Variants in NCKAP5 observed in about 807,000 individuals in gnomAD.
The protein encoded by NCKAP5 is nck-associated protein 5.
Under a neutral mutation model 167.0 loss-of-function variants are expected in NCKAP5, and 92 were observed. The observed-to-expected ratio is 0.55, with a 90% CI of 0.47 to 0.66. The LOEUF (loss-of-function observed/expected upper bound fraction) is 0.66. NCKAP5 is among the 30% of genes least tolerant of loss of function. NCKAP5 has a pLI of 0.00. For missense variants in NCKAP5, 2,378 were observed against 2,315.0 expected (o/e 1.03, Z -0.56); for synonymous variants, 891 against 877.4 (o/e 1.02, Z -0.27).
intron 3 of NCKAP5, among the ~76,000 whole-genome samples, chr2:133,463,670 A>G (rs1248614865): frequency 1.3e-5 from 2 of 152,228 alleles, no homozygotes; most frequent in African/African-American, 4.8e-5. Context: ...CAATGCAGTG[A>G]GTTTATTCCA....
rs1468696629 is a variant in NCKAP5, at chr2:132,672,144, C to T, written c.*1145G>A. The T allele has an allele frequency of 1.3e-5, 2 of 152,426 alleles. No individual in the cohort carries two copies. Among genetic ancestry groups the T allele is most frequent in the African/African-American group, 4.8e-5 (2 of 41,380 alleles). 9.4% of individuals were successfully genotyped at this position (152,426 alleles called of 1,614,324 possible). A position where few individuals can be genotyped will look rare whatever the true frequency, so the allele number is the denominator to read the frequency against. On this transcript the variant is annotated 3_prime_UTR_variant, in exon 20 of 20. Coordinates refer to ENST00000409261, the MANE Select transcript of NCKAP5 (RefSeq NM_207363.3). The stretch of plus-strand genomic sequence containing the variant: ...AAAAAGGATATTAAAAAGAATTCTT[C>T]GTAGCACCATTAATTTTATTTTTAA...
chr2:133,383,067 AAAAATTTTTTTATTAT>A (rs1686643067), intron 3 of NCKAP5, among the ~76,000 whole-genome samples: 1 of 152,040 alleles, frequency 6.6e-6, no homozygotes, highest in Admixed American at 6.6e-5. Context: ...TTTTTTTAAA[AAAAATTTTTTTATTAT>A]ACTTTAAGTT....
intron 4 of NCKAP5, among the ~76,000 whole-genome samples, chr2:133,298,017 T>A (rs1288146788): frequency 1.3e-5 from 2 of 152,216 alleles, no homozygotes; most frequent in African/African-American, 2.4e-5. Context: ...TTCTAACTTA[T>A]GAACAAGCAC....
intron 3 of NCKAP5, among the ~76,000 whole-genome samples, chr2:133,437,022 T>G (rs1329601930): frequency 1.3e-5 from 2 of 152,070 alleles, no homozygotes; most frequent in African/African-American, 2.4e-5. Flanking sequence ...TGCCTAACAC[T>G]TCTTCTAAAA....
At chr2:132,688,985 CAAA>C (rs34015551) in intron 19 of NCKAP5, among the ~76,000 whole-genome samples, 1 of 66,304 alleles carries the variant, frequency 1.5e-5, no homozygotes. Flanking sequence ...GACACCAACT[CAAA>C]AAAAAAAAAA....
chr2:133,487,744 T>C (rs753839628), intron 3 of NCKAP5, among the ~76,000 whole-genome samples: 1 of 152,150 alleles, frequency 6.6e-6, no homozygotes, highest in Non-Finnish European at 1.5e-5. Flanking sequence ...AATAGCTGCC[T>C]GAGAGGATGG....
intron 2 of NCKAP5, among the ~76,000 whole-genome samples, chr2:133,558,704 C>CAGAAAAAAAA (rs1687929797): frequency 2.0e-5 from 1 of 50,872 alleles, no homozygotes; most frequent in Non-Finnish European, 3.3e-5. Flanking sequence ...ATGTGCTGAG[C>CAGAAAAAAAA]AAAAAAAAAA....
At chr2:133,232,071 C>A (rs193110628) in intron 4 of NCKAP5, among the ~76,000 whole-genome samples, 49 of 152,252 alleles carry the variant, frequency 3.2e-4, no homozygotes, top group African/African-American at 1.1e-3. Flanking sequence ...TGGGTTTTCT[C>A]TGTTTCTTAG....
the NCKAP5 span, among the ~76,000 whole-genome samples, chr2:133,615,663 G>T: frequency 6.6e-5 from 10 of 152,098 alleles, no homozygotes. Flanking sequence ...ATTCCTGAGT[G>T]ACCTACAAAG....
chr2:133,533,328 C>G (rs1685508065), intron 2 of NCKAP5, among the ~76,000 whole-genome samples: 1 of 152,182 alleles, frequency 6.6e-6, no homozygotes, highest in African/African-American at 2.4e-5. Flanking sequence ...AAATCCAGAT[C>G]ATCTATGTAA....
chr2:132,838,610 C>T (rs1025451120), intron 11 of NCKAP5, among the ~76,000 whole-genome samples: 2 of 152,070 alleles, frequency 1.3e-5, no homozygotes, highest in Non-Finnish European at 2.9e-5. Context: ...CCAGGCTGGG[C>T]GACAGAGAGA....
intron 6 of NCKAP5, among the ~76,000 whole-genome samples, chr2:133,097,788 G>A (rs934098328): frequency 6.6e-6 from 1 of 152,180 alleles, no homozygotes; most frequent in East Asian, 1.9e-4. Flanking sequence ...AGAATGCTAC[G>A]ACATAGAGAG....
chr2:133,511,144 C>T (rs919773516), intron 3 of NCKAP5, among the ~76,000 whole-genome samples: 1 of 152,224 alleles, frequency 6.6e-6, no homozygotes, highest in Non-Finnish European at 1.5e-5. Flanking sequence ...ATGTCCACTG[C>T]TTGGACCTAG....
intron 16 of NCKAP5, among the ~76,000 whole-genome samples, chr2:132,751,129 C>T (rs954947557): frequency 2.0e-5 from 3 of 151,810 alleles, no homozygotes; most frequent in Non-Finnish European, 2.9e-5. Flanking sequence ...TGGTGGGAGG[C>T]GTTTGGATCA....
At chr2:133,148,556 A>G (rs1013377884) in intron 5 of NCKAP5, among the ~76,000 whole-genome samples, 3 of 152,118 alleles carry the variant, frequency 2.0e-5, no homozygotes, top group Non-Finnish European at 4.4e-5. Flanking sequence ...AGTATGGGCT[A>G]CTATAACAAA....
intron 5 of NCKAP5, among the ~76,000 whole-genome samples, chr2:133,192,597 T>C (rs114630060): frequency 4.3e-4 from 66 of 152,034 alleles, no homozygotes; most frequent in African/African-American, 1.5e-3. Flanking sequence ...CAAAAAGACA[T>C]GTAGAGACAT....
At chr2:133,532,229 C>T (rs530507728) in intron 2 of NCKAP5, among the ~76,000 whole-genome samples, 1 of 152,168 alleles carries the variant, frequency 6.6e-6, no homozygotes, top group African/African-American at 2.4e-5. Context: ...AACGGTTTAC[C>T]CCAATTCCAA....
chr2:133,178,301 C>A (rs1009900521), intron 5 of NCKAP5, among the ~76,000 whole-genome samples: 8 of 150,964 alleles, frequency 5.3e-5, no homozygotes, highest in African/African-American at 2.0e-4. Flanking sequence ...GAGTTTGAGA[C>A]GACCCTGGCC....
At position 133,212,481 on chromosome 2, in the gene NCKAP5, C is replaced by T. The variant is rs1048231976; in HGVS notation, c.207+1235G>A. Among the ~76,000 whole-genome samples the T allele has an allele frequency of 7.2e-5, 11 of 152,168 alleles. No individual in the cohort carries two copies. The East Asian group carries it at 1.9e-3, about 27-fold the overall frequency. ...CTCCCAGGTTCAAATGATTCTCATG[C>T]CTCAGCTTCCTGAGTAGCTGCAATT... On this transcript the variant is annotated intron_variant, in intron 5 of 19. Transcript: ENST00000409261.
Sources: allele counts gnomAD v4.1 joint callset (sites outside exome capture counted in the v4.1 genomes callset), GRCh38; gene constraint gnomAD v4.1.1; transcripts MANE v1.5; gene names NCBI Gene and HGNC (gene_info 2026-07-23, HGNC 2026-07-21).